DNAH5: variants seen among roughly 807,000 people sequenced by gnomAD.
The protein encoded by DNAH5 is axonemal beta dynein heavy chain 5.
In DNAH5, 372 loss-of-function variants were observed where a neutral mutation model predicts 518.2. The observed-to-expected ratio is 0.72, with a 90% CI of 0.66 to 0.78. The LOEUF (loss-of-function observed/expected upper bound fraction) is 0.78. Among genes scored for constraint, DNAH5 ranks in the 30% least tolerant of loss-of-function variants. The pLI is 0.00. For synonymous variants in DNAH5, 2,039 were observed against 2,025.9 expected, an observed-to-expected ratio of 1.01 and a Z score of -0.17; for missense variants, 5,523 against 5,687.0, an observed-to-expected ratio of 0.97 and a Z score of 0.93.
chr5:13,793,977 C>T lies in DNAH5; in HGVS notation c.7969G>A (p.Asp2657Asn), dbSNP rs1406024648. 1.2e-6 allele frequency: 2 copies of T among 1,614,010 alleles called. No individual in the cohort carries two copies. Among genetic ancestry groups the T allele is most frequent in the Admixed American group, 1.7e-5 (1 of 60,020 alleles). The change falls in exon 48 of 79, where the codon GAT (aspartate) becomes AAT (asparagine). Residue 2657 changes from aspartate (D) to asparagine (N), a missense_variant. By Grantham distance (23) the Asp-to-Asn change is conservative. Transcript: ENST00000265104. ...PAGKKMTVFI[D>N]DVNMPIINEW... ...TTGATTATTGGCATATTCACATCAT[C>T]AATAAAAACAGTCATCTTCTTTCCC... is the stretch of plus-strand genomic sequence containing the variant.
chr5:13,725,499 A>G (rs1005231481), intron 70 of DNAH5, among the ~76,000 whole-genome samples: 15 of 152,326 alleles, frequency 9.8e-5, no homozygotes, highest in Admixed American at 5.2e-4. Flanking sequence ...AAGAAAGCCA[A>G]CACCCCACTG....
chr5:13,793,828 A>C, intron 48 of DNAH5, 100 bp from the exon 49 acceptor site: 1 of 1,556,288 alleles, frequency 6.4e-7, no homozygotes, highest in South Asian at 1.2e-5. Flanking sequence ...TGGAATTCAG[A>C]AATTATATCT....
intron 35 of DNAH5, 72 bp from the exon 36 acceptor site, chr5:13,830,847 A>G: frequency 6.8e-7 from 1 of 1,473,500 alleles, no homozygotes; most frequent in Non-Finnish European, 9.5e-7. Flanking sequence ...TCACAGTGGC[A>G]TGAAACGCAC....
Position 13,701,356 on chromosome 5 carries a change from G to A in DNAH5, c.13419C>T (p.Phe4473=). ...ERNSQFTSWV[F]NGRPHCFWMT... ...TCCAAAAGCAGTGAGGTCGGCCATTGAAAACCCACGAGGTAAACTGGCTGT... is the reference window on the plus strand; with the variant it reads ...TCCAAAAGCAGTGAGGTCGGCCATTAAAAACCCACGAGGTAAACTGGCTGT... The change falls in exon 77 of 79, where the codon TTC becomes TTT. Residue 4473 remains phenylalanine, a synonymous_variant. Transcript: ENST00000265104. 1 of 1,614,062 alleles carries A rather than the reference G, an allele frequency of 6.2e-7. No individual in the cohort carries two copies. The highest frequency in any genetic ancestry group is 8.5e-7 in the Non-Finnish European group (1 of 1,179,986).
rs374318289 is a variant in DNAH5 at position 13,813,457 on chromosome 5, G to GAA, written c.7230+1146_7230+1147dup. ...AAAAAAAATGTTGTGGCACTTAAAA[G>GAA]AAAAAAAAAAAAAAAACAATCCTGA... On this transcript the variant is annotated intron_variant, in intron 43 of 78. Coordinates refer to ENST00000265104, the MANE Select transcript of DNAH5 (RefSeq NM_001369.3). Among the ~76,000 whole-genome samples the GAA allele has an allele frequency of 3.8e-3, 519 of 136,712 alleles. 2 individuals are homozygous for GAA. Among genetic ancestry groups the GAA allele is most frequent in the African/African-American group, 6.8e-3 (252 of 36,924 alleles). The allele number at this position is 136,712 out of a possible 152,430, so 89.7% of individuals were successfully genotyped here.
chr5:13,996,740 C>T (rs1298532614), intron 1 of DNAH5, among the ~76,000 whole-genome samples: 44 of 152,252 alleles, frequency 2.9e-4, no homozygotes. Flanking sequence ...CTGGGCACAG[C>T]CCACGGGGCA....
At chr5:13,971,435 T>C (rs1581075694) in intron 1 of DNAH5, among the ~76,000 whole-genome samples, 1 of 152,212 alleles carries the variant, frequency 6.6e-6, no homozygotes, top group Non-Finnish European at 1.5e-5. Context: ...GCTCAAGGGC[T>C]GCTGTTCAGA....
chr5:13,755,961 C>A (rs537904411), intron 61 of DNAH5, among the ~76,000 whole-genome samples: 2 of 152,232 alleles, frequency 1.3e-5, no homozygotes, highest in South Asian at 2.1e-4. Flanking sequence ...GTTGACAATG[C>A]AAGAGAAAGA....
chr5:13,811,735 A>T lies in DNAH5; in HGVS notation c.7319T>A (p.Ile2440Asn). ...CTCCATCTTGTATTCTAAGTTCTGG[A>T]TACAGAAGCGATACAAGTCTGGGAA... ...ESFPDLYRFC[I>N]QNLEYKMEVL... The change falls in exon 44 of 79, where the codon ATC becomes AAC. Residue 2440 changes from isoleucine to asparagine, a missense_variant. By Grantham distance (149) the Ile-to-Asn change is moderately radical. This residue lies in a region of DNAH5 where 5,121 missense variants were observed against 5,223.3 expected (regional missense o/e 0.98). Transcript: ENST00000265104. 1 of 1,614,192 alleles carries T rather than the reference A, an allele frequency of 6.2e-7. No homozygotes were observed.
intron 35 of DNAH5, 45 bp from the exon 36 acceptor site, chr5:13,830,820 G>A: frequency 6.3e-7 from 1 of 1,595,630 alleles, no homozygotes. Context: ...CAGTCACCTG[G>A]AAATACTTCT....
chr5:13,794,942 G>A (rs13355876), intron 47 of DNAH5, among the ~76,000 whole-genome samples: 1 of 152,210 alleles, frequency 6.6e-6, no homozygotes, highest in Non-Finnish European at 1.5e-5. Flanking sequence ...ACTCCAGCCT[G>A]GGCGACAGAG....
chr5:13,719,772 A>G (rs919251418), intron 71 of DNAH5, among the ~76,000 whole-genome samples: 3 of 152,134 alleles, frequency 2.0e-5, no homozygotes, highest in Non-Finnish European at 2.9e-5. Context: ...CCTGCCTCCC[A>G]CTAGTTCTCA....
At chr5:13,962,266 C>G (rs1475546040) in intron 1 of DNAH5, among the ~76,000 whole-genome samples, 2 of 152,008 alleles carry the variant, frequency 1.3e-5, no homozygotes, top group Non-Finnish European at 2.9e-5. Flanking sequence ...ATTTTTTAAC[C>G]AAATAATATT....
intron 47 of DNAH5, 108 bp from the exon 48 acceptor site, chr5:13,794,166 T>C (rs1757471006): frequency 2.1e-6 from 3 of 1,460,648 alleles, no homozygotes; most frequent in African/African-American, 1.4e-5. Flanking sequence ...ATATGAATTA[T>C]TTCTAAAAAG....
chr5:13,819,004 C>G (rs1056441305), intron 41 of DNAH5, among the ~76,000 whole-genome samples: 2 of 152,178 alleles, frequency 1.3e-5, no homozygotes, highest in African/African-American at 2.4e-5. Flanking sequence ...TTGCAAGGAA[C>G]TTCTCCAGAA....
intron 17 of DNAH5, among the ~76,000 whole-genome samples, chr5:13,889,332 C>T (rs935094797): frequency 1.3e-5 from 2 of 152,050 alleles, no homozygotes; most frequent in Non-Finnish European, 2.9e-5. Context: ...GTTAGGTGTA[C>T]CCACAGTTAG....
At position 13,792,118 on chromosome 5, in the gene DNAH5, T is replaced by C. The variant is rs2126900531; in HGVS notation, c.8324A>G (p.Gln2775Arg). ...KLVPLTRRLW[Q>R]MTKIKMLPTP... ...AGGAAGCATTTTAATCTTGGTCATC[T>C]GCCATAGTCGGCGTGTCAGAGGCAC... The change falls in exon 50 of 79, where the codon CAG becomes CGG. Residue 2775 changes from glutamine to arginine, a missense_variant. This residue lies in a region of DNAH5 where 5,121 missense variants were observed against 5,223.3 expected (regional missense o/e 0.98). Transcript: ENST00000265104. The C allele has an allele frequency of 6.2e-7, 1 of 1,614,098 alleles. No individual in the cohort carries two copies. Among genetic ancestry groups the C allele is most frequent in the Non-Finnish European group, 8.5e-7 (1 of 1,179,982 alleles).
chr5:13,731,563 C>A (rs1746562903), intron 68 of DNAH5, among the ~76,000 whole-genome samples: 2 of 152,036 alleles, frequency 1.3e-5, no homozygotes, highest in Admixed American at 1.3e-4. Context: ...ATTAAATAGA[C>A]CCTTGATGAA....
chr5:13,944,551 T>C lies in DNAH5; in HGVS notation c.-113A>G. On this transcript the variant is annotated 5_prime_UTR_variant, in exon 1 of 79. Transcript: ENST00000265104. ...CAAATGGAAAGTTTTACTTCCATTT[T>C]ACTTTCACGTTTCTAATTTGCATGT... 1 of 858,806 alleles carries C rather than the reference T, an allele frequency of 1.2e-6. No homozygotes were observed. Among genetic ancestry groups the C allele is most frequent in the South Asian group, 1.4e-5 (1 of 71,336 alleles). The allele number at this position is 858,806 out of a possible 1,614,324, so 53.2% of individuals were successfully genotyped here.
Sources: allele counts gnomAD v4.1 joint callset (sites outside exome capture counted in the v4.1 genomes callset), GRCh38; gene constraint gnomAD v4.1.1; regional missense constraint gnomAD v4.1.1; transcripts MANE v1.5; gene names NCBI Gene and HGNC (gene_info 2026-07-23, HGNC 2026-07-21).